CNTN5: variants seen among roughly 807,000 people sequenced by gnomAD.
The protein encoded by CNTN5 is contactin 5.
Under a neutral mutation model 129.1 loss-of-function variants are expected in CNTN5, and 77 were observed. The ratio of observed to expected loss-of-function variants is 0.60; its 90% CI spans 0.50 to 0.72. The LOEUF is 0.72. CNTN5 is among the 30% of genes least tolerant of loss of function. CNTN5 has a pLI of 0.00. For missense variants in CNTN5, 1,478 were observed against 1,328.8 expected (o/e 1.11, Z -1.75); for synonymous variants, 509 against 465.6 (o/e 1.09, Z -1.20).
At chr11:100,039,872 A>T (rs987975396) in intron 9 of CNTN5, among the ~76,000 whole-genome samples, 4 of 152,000 alleles carry the variant, frequency 2.6e-5, no homozygotes, top group African/African-American at 9.7e-5. Context: ...CCATTCATCT[A>T]ACTTTTTTTC....
intron 8 of CNTN5, among the ~76,000 whole-genome samples, chr11:99,978,230 T>C (rs1790091168): frequency 6.6e-6 from 1 of 152,228 alleles, no homozygotes; most frequent in Admixed American, 6.5e-5. Flanking sequence ...CTGTACAATA[T>C]GTTTGTCTTT....
At chr11:99,976,929 C>T (rs532642595) in intron 8 of CNTN5, among the ~76,000 whole-genome samples, 7 of 152,174 alleles carry the variant, frequency 4.6e-5, no homozygotes, top group Non-Finnish European at 1.0e-4. Context: ...TACAAATTTT[C>T]CAAGCGTTTA....
intron 3 of CNTN5, among the ~76,000 whole-genome samples, chr11:99,778,851 CTCTATT>C (rs201993491): frequency 2.3e-3 from 322 of 140,314 alleles, no homozygotes; most frequent in Non-Finnish European, 4.2e-3. Flanking sequence ...AACAATTTTT[CTCTATT>C]TGTGTTAAAT....
chr11:99,223,302 ATTAAG>A (rs966027345), intron 1 of CNTN5, among the ~76,000 whole-genome samples: 24 of 152,198 alleles, frequency 1.6e-4, no homozygotes, highest in African/African-American at 5.5e-4. Context: ...ACTCATCCAC[ATTAAG>A]TTATTTAGGT....
Position 99,144,364 on chromosome 11 carries a change from A to T in CNTN5, c.-210+123094A>T, listed in dbSNP as rs7130827. Reference sequence around the variant, plus strand: ...TAGTAATTATTCTAAAGCAAAGGAAATTCTTGGTGCCATATTTCATAAGAG... The same window carrying T: ...TAGTAATTATTCTAAAGCAAAGGAATTTCTTGGTGCCATATTTCATAAGAG... On this transcript the variant is annotated intron_variant, in intron 1 of 24. Coordinates refer to ENST00000524871, the MANE Select transcript of CNTN5 (RefSeq NM_014361.4). Among the ~76,000 whole-genome samples, 71 of 152,252 alleles carry T rather than the reference A, an allele frequency of 4.7e-4. 1 individual carries two copies. The South Asian group carries it at 0.013, about 28-fold the overall frequency.
intron 8 of CNTN5, among the ~76,000 whole-genome samples, chr11:99,972,057 G>A (rs1191500414): frequency 7.3e-6 from 1 of 137,352 alleles, no homozygotes; most frequent in Admixed American, 7.9e-5. Flanking sequence ...AGACCATCCT[G>A]GCTAACACGG....
chr11:99,869,120 CATT>C (rs1948433933), intron 6 of CNTN5, among the ~76,000 whole-genome samples: 1 of 152,256 alleles, frequency 6.6e-6, no homozygotes, highest in South Asian at 2.1e-4. Flanking sequence ...CCTAATAAAA[CATT>C]ATGTTTCAGA....
intron 18 of CNTN5, among the ~76,000 whole-genome samples, chr11:100,279,762 G>A (rs1028585960): frequency 1.3e-5 from 2 of 151,106 alleles, no homozygotes; most frequent in Non-Finnish European, 3.0e-5. Flanking sequence ...TTGTTCTATT[G>A]ATCTTTTGTA....
At chr11:99,109,408 G>A (rs574439376) in intron 1 of CNTN5, among the ~76,000 whole-genome samples, 1 of 152,058 alleles carries the variant, frequency 6.6e-6, no homozygotes, top group African/African-American at 2.4e-5. Context: ...CAGTATATTT[G>A]TTAGATAGAT....
At chr11:99,747,362 T>G (rs1037814972) in intron 3 of CNTN5, among the ~76,000 whole-genome samples, 1 of 151,902 alleles carries the variant, frequency 6.6e-6, no homozygotes, top group Non-Finnish European at 1.5e-5. Flanking sequence ...TGTAAACAGA[T>G]ACAATTTTAC....
At chr11:99,243,964 A>G (rs904183015) in intron 1 of CNTN5, among the ~76,000 whole-genome samples, 5 of 151,922 alleles carry the variant, frequency 3.3e-5, no homozygotes, top group African/African-American at 1.2e-4. Flanking sequence ...TTTTGCTTTC[A>G]CATGAATTTA....
chr11:99,174,051 G>A (rs527429090), intron 1 of CNTN5, among the ~76,000 whole-genome samples: 9 of 152,248 alleles, frequency 5.9e-5, no homozygotes, highest in African/African-American at 2.2e-4. Flanking sequence ...AGGCTGGAGT[G>A]CAGTGGCCGT....
chr11:99,520,264 C>T (rs967355686), intron 2 of CNTN5, among the ~76,000 whole-genome samples: 11 of 152,048 alleles, frequency 7.2e-5, no homozygotes, highest in Non-Finnish European at 1.6e-4. Context: ...AAACATCTAA[C>T]CTGGCTGTAA....
intron 1 of CNTN5, among the ~76,000 whole-genome samples, chr11:99,242,095 T>C (rs1434546442): frequency 6.6e-6 from 1 of 152,142 alleles, no homozygotes; most frequent in Admixed American, 6.6e-5. Flanking sequence ...CAAAATAAAA[T>C]GTATATAATA....
At chr11:99,503,798 G>A (rs909782806) in intron 2 of CNTN5, among the ~76,000 whole-genome samples, 3 of 151,782 alleles carry the variant, frequency 2.0e-5, no homozygotes, top group African/African-American at 7.3e-5. Context: ...ATTCTATGAT[G>A]GCAAGGAATT....
intron 3 of CNTN5, among the ~76,000 whole-genome samples, chr11:99,702,289 G>C (rs2134878050): frequency 6.6e-6 from 1 of 151,016 alleles, no homozygotes; most frequent in African/African-American, 2.4e-5. Context: ...TAATAATAAT[G>C]AAAAATTTGG....
At chr11:99,362,255 T>C (rs1939161390) in intron 2 of CNTN5, among the ~76,000 whole-genome samples, 1 of 152,134 alleles carries the variant, frequency 6.6e-6, no homozygotes, top group Non-Finnish European at 1.5e-5. Context: ...CAGCTTTTCA[T>C]ATGCTGCTGA....
At chr11:100,070,984 T>C (rs890770842) in intron 11 of CNTN5, among the ~76,000 whole-genome samples, 2 of 151,530 alleles carry the variant, frequency 1.3e-5, no homozygotes, top group Non-Finnish European at 2.9e-5. Flanking sequence ...CACTGCCAAC[T>C]AAGAGTTTTT....
intron 1 of CNTN5, among the ~76,000 whole-genome samples, chr11:99,067,928 G>A (rs900361332): frequency 1.3e-5 from 2 of 152,098 alleles, no homozygotes; most frequent in African/African-American, 4.8e-5. Context: ...AATCATAGGG[G>A]TGGTTTTCCC....
Sources: gnomAD v4.1 joint callset for allele counts (sites outside exome capture counted in the v4.1 genomes callset) on GRCh38, gnomAD v4.1.1 for gene constraint, MANE v1.5 for transcripts, NCBI Gene and HGNC (gene_info 2026-07-23, HGNC 2026-07-21) for gene names.